Variants in L3MBTL4 observed in about 807,000 individuals in gnomAD.
L3MBTL4 encodes lethal(3)malignant brain tumor-like protein 4.
A neutral mutation model predicts 84.5 loss-of-function variants in L3MBTL4; 70 were observed. That is an observed-to-expected ratio of 0.83 (90% CI 0.68 to 1.01). L3MBTL4 has a LOEUF of 1.01. Ranked by LOEUF, L3MBTL4 falls within the 50% of genes least tolerant of loss-of-function variation. The probability of loss-of-function intolerance (pLI) is 0.00; values close to 1 mark genes in which losing one functional copy is unlikely to be tolerated. For synonymous variants in L3MBTL4, 274 were observed against 259.8 expected, an observed-to-expected ratio of 1.05 and a Z score of -0.52; for missense variants, 715 against 754.8, an observed-to-expected ratio of 0.95 and a Z score of 0.62.
intron 4 of L3MBTL4, among the ~76,000 whole-genome samples, chr18:6,281,033 A>C (rs1286030294): frequency 1.3e-5 from 2 of 152,142 alleles, no homozygotes; most frequent in Non-Finnish European, 2.9e-5. Context: ...TGATGGCAGG[A>C]AGAGGAAATT....
At chr18:6,089,919 T>C (rs1350580428) in intron 15 of L3MBTL4, among the ~76,000 whole-genome samples, 1 of 152,202 alleles carries the variant, frequency 6.6e-6, no homozygotes, top group African/African-American at 2.4e-5. Context: ...TTTCCTCACC[T>C]ATAAATGGCA....
At chr18:6,066,205 A>G (rs892760811) in intron 16 of L3MBTL4, among the ~76,000 whole-genome samples, 14 of 152,048 alleles carry the variant, frequency 9.2e-5, no homozygotes, top group Non-Finnish European at 1.5e-4. Flanking sequence ...TTTATTCCAC[A>G]GTGGTTTCAG....
intron 3 of L3MBTL4, among the ~76,000 whole-genome samples, chr18:6,305,882 G>C (rs1462811175): frequency 6.6e-6 from 1 of 152,126 alleles, no homozygotes; most frequent in Non-Finnish European, 1.5e-5. Flanking sequence ...TTCCAATCAA[G>C]GGAACAAAAC....
intron 4 of L3MBTL4, among the ~76,000 whole-genome samples, chr18:6,274,622 T>G (rs1431382241): frequency 6.6e-6 from 1 of 152,190 alleles, no homozygotes; most frequent in Non-Finnish European, 1.5e-5. Context: ...TCACAGTAAG[T>G]TTTGGACTTG....
chr18:5,956,489 A>G, intron 18 of L3MBTL4, 102 bp from the exon 19 acceptor site: 3 of 997,998 alleles, frequency 3.0e-6, no homozygotes, highest in Non-Finnish European at 4.5e-6. Flanking sequence ...AACCCGTCAT[A>G]GCCTCCGTGT....
chr18:6,013,557 T>G (rs2054830380), intron 16 of L3MBTL4, among the ~76,000 whole-genome samples: 1 of 152,212 alleles, frequency 6.6e-6, no homozygotes, highest in Admixed American at 6.5e-5. Flanking sequence ...TTGGCAGCCC[T>G]AGCCCCACCC....
chr18:6,278,803 C>T (rs1042845499), intron 4 of L3MBTL4, among the ~76,000 whole-genome samples: 1 of 151,888 alleles, frequency 6.6e-6, no homozygotes. Context: ...TCACCTGGTC[C>T]TTCCAGGTGT....
chr18:6,331,855 G>C (rs958254992), intron 1 of L3MBTL4, among the ~76,000 whole-genome samples: 25 of 150,026 alleles, frequency 1.7e-4, no homozygotes, highest in Non-Finnish European at 3.1e-4. Flanking sequence ...AGCACAAGAA[G>C]ATCAAGCGCT....
At chr18:6,185,960 CTTTATTTTAT>C (rs771825177) in intron 12 of L3MBTL4, among the ~76,000 whole-genome samples, 2,422 of 145,864 alleles carry the variant, frequency 0.017, 33 homozygotes, top group Middle Eastern at 0.032. Context: ...AGGGCACTTT[CTTTATTTTAT>C]TTTATTTTAT....
intron 1 of L3MBTL4, among the ~76,000 whole-genome samples, chr18:6,313,963 A>G (rs1463983222): frequency 6.6e-6 from 1 of 152,220 alleles, no homozygotes; most frequent in Admixed American, 6.5e-5. Context: ...TTTTGCTGCC[A>G]GACAAAAAAG....
chr18:6,084,717 C>G (rs1399396085), intron 15 of L3MBTL4, among the ~76,000 whole-genome samples: 1 of 152,076 alleles, frequency 6.6e-6, no homozygotes, highest in East Asian at 1.9e-4. Flanking sequence ...CAAAGCAGAC[C>G]AAGAAAGGGC....
Position 6,414,597 on chromosome 18 carries a change from C to G in L3MBTL4, c.-91+204G>C, listed in dbSNP as rs1275078767. On this transcript the variant is annotated intron_variant, in intron 1 of 18. Coordinates refer to ENST00000317931, the MANE Select transcript of L3MBTL4 (RefSeq NM_001330559.2). This position sits in a 1 kb window ranked among gnomAD's most constrained non-coding sequence, Gnocchi z 5.4. ...CTCGCGGGGAGCCCGGCGCGCGCCC[C>G]GGCGGCGAAAGAGAAAGAGAAAGAG... 6.6e-6 allele frequency: 1 copy of G among 152,042 alleles called. No individual in the cohort carries two copies. The highest frequency in any genetic ancestry group is 1.5e-5 in the Non-Finnish European group (1 of 68,016). The allele number at this position is 152,042 out of a possible 1,614,324, so 9.4% of individuals were successfully genotyped here.
chr18:6,180,080 A>C (rs2044398988), intron 12 of L3MBTL4, among the ~76,000 whole-genome samples: 1 of 152,182 alleles, frequency 6.6e-6, no homozygotes, highest in South Asian at 2.1e-4. Flanking sequence ...TACTGAGAGA[A>C]CCATGCAAGA....
chr18:6,227,801 G>A (rs1237958576), intron 10 of L3MBTL4, among the ~76,000 whole-genome samples: 1 of 152,034 alleles, frequency 6.6e-6, no homozygotes, highest in African/African-American at 2.4e-5. Context: ...TTTCTGAGTA[G>A]CTGGGACTGC....
chr18:6,037,066 G>A (rs570899398), intron 16 of L3MBTL4, among the ~76,000 whole-genome samples: 22 of 152,338 alleles, frequency 1.4e-4, no homozygotes, highest in African/African-American at 5.3e-4. Flanking sequence ...AATGCGGGGA[G>A]ATGTGACAAC....
chr18:6,017,155 G>T (rs2055026472), intron 16 of L3MBTL4, among the ~76,000 whole-genome samples: 1 of 152,184 alleles, frequency 6.6e-6, no homozygotes, highest in African/African-American at 2.4e-5. Context: ...GAAGAAAATG[G>T]CCACAAGCAT....
chr18:6,352,503 T>C (rs117919938), intron 1 of L3MBTL4, among the ~76,000 whole-genome samples: 1,777 of 152,326 alleles, frequency 0.012, 20 homozygotes, highest in Middle Eastern at 0.017. Context: ...TATCTTCTGA[T>C]CTAGAGGAAA....
chr18:6,087,918 C>T (rs1395910263), intron 15 of L3MBTL4, among the ~76,000 whole-genome samples: 1 of 152,000 alleles, frequency 6.6e-6, no homozygotes, highest in Non-Finnish European at 1.5e-5. Flanking sequence ...ACATTTATGA[C>T]CATTTTACAG....
intron 17 of L3MBTL4, among the ~76,000 whole-genome samples, chr18:5,963,233 G>A (rs866738743): frequency 2.0e-5 from 3 of 152,162 alleles, no homozygotes; most frequent in South Asian, 2.1e-4. Flanking sequence ...TTGCCCAAAG[G>A]ACTGTTCACA....
Sources: allele counts gnomAD v4.1 joint callset (sites outside exome capture counted in the v4.1 genomes callset), GRCh38; gene constraint gnomAD v4.1.1; non-coding constraint Gnocchi (gnomAD v3.1); transcripts MANE v1.5; gene names NCBI Gene and HGNC (gene_info 2026-07-23, HGNC 2026-07-21).